The following NRXN2 variants were observed in gnomAD, a reference collection of about 807,000 sequenced individuals.
The protein encoded by NRXN2 is neurexin 2.
Under a neutral mutation model 128.8 loss-of-function variants are expected in NRXN2, and 29 were observed. That is an observed-to-expected ratio of 0.23 (90% CI 0.17 to 0.31). The LOEUF (loss-of-function observed/expected upper bound fraction) is 0.31, where lower values mean the gene tolerates loss of function less well. Ranked by LOEUF, NRXN2 falls within the 10% of genes least tolerant of loss-of-function variation. The pLI, the probability that NRXN2 is intolerant of heterozygous loss-of-function variation, is 1.00. For missense variants in NRXN2, 1,881 were observed against 2,452.6 expected, an observed-to-expected ratio of 0.77 and a Z score of 4.92; for synonymous variants, 1,098 against 1,075.2, an observed-to-expected ratio of 1.02 and a Z score of -0.41.
chr11:64,695,547 T>C (rs1433175874), intron 3 of NRXN2, among the ~76,000 whole-genome samples: 1 of 152,000 alleles, frequency 6.6e-6, no homozygotes, highest in Admixed American at 6.6e-5. Flanking sequence ...CACCACCTGC[T>C]AAACCCACCT....
At chr11:64,611,179 T>A (rs1476996738) in intron 22 of NRXN2, among the ~76,000 whole-genome samples, 1 of 152,192 alleles carries the variant, frequency 6.6e-6, no homozygotes, top group African/African-American at 2.4e-5. Context: ...CTCAGGCATT[T>A]CCTCTGAGCC....
intron 5 of NRXN2, chr11:64,688,559 C>T (rs952019208): frequency 3.0e-6 from 3 of 985,216 alleles, no homozygotes; most frequent in Non-Finnish European, 3.6e-6. Context: ...CTGAACAAGC[C>T]CTGAAGCACC....
chr11:64,702,971 TAA>T (rs557268486), intron 2 of NRXN2, among the ~76,000 whole-genome samples: 2 of 51,160 alleles, frequency 3.9e-5, no homozygotes, highest in East Asian at 5.9e-4. Flanking sequence ...CCCAGGTCTC[TAA>T]AAAAAAAAAA....
chr11:64,623,124 G>A lies in NRXN2; in HGVS notation c.3848-46C>T. The A allele has an allele frequency of 6.4e-7, 1 of 1,560,812 alleles. No individual in the cohort carries two copies. Among genetic ancestry groups the A allele is most frequent in the Non-Finnish European group, 8.7e-7 (1 of 1,149,854 alleles). On this transcript the variant is annotated intron_variant, in intron 20 of 22. Transcript: ENST00000265459. This position sits in a 1 kb window ranked among gnomAD's most constrained non-coding sequence, Gnocchi z 4.9. Reference sequence around the variant, plus strand: ...TGACAGAGAAGGGGCAGGCAGTGAGGGGAGACCAGGAAGGGAAGGAAGAAA... The same window carrying A: ...TGACAGAGAAGGGGCAGGCAGTGAGAGGAGACCAGGAAGGGAAGGAAGAAA...
In NRXN2 at chr11:64,635,649, G is replaced by A. The variant is rs900695030; in HGVS notation, c.3404-197C>T. Among the ~76,000 whole-genome samples, 16 of 152,198 alleles carry A rather than the reference G, an allele frequency of 1.1e-4. No homozygotes were observed. Among genetic ancestry groups the A allele is most frequent in the East Asian group, 7.7e-4 (4 of 5,188 alleles). On this transcript the variant is annotated intron_variant, in intron 17 of 22. Transcript: ENST00000265459. This position sits in a 1 kb window ranked among gnomAD's most constrained non-coding sequence, Gnocchi z 4.8. ...GGTGCCTGGGTGAGAGCCTGTGCAC[G>A]CGCACAGACAGATGTAGCTGCCTCA... is the stretch of plus-strand genomic sequence containing the variant.
rs1285641486 is a variant in NRXN2 at position 64,713,363 on chromosome 11, G to T, written c.337C>A (p.His113Asn). 2 of 1,438,276 alleles carry T rather than the reference G, an allele frequency of 1.4e-6. No individual in the cohort carries two copies. Among genetic ancestry groups the T allele is most frequent in the Non-Finnish European group, 1.8e-6 (2 of 1,099,968 alleles). The allele number at this position is 1,438,276 out of a possible 1,614,324, so 89.1% of individuals were successfully genotyped here. A position where few individuals can be genotyped will look rare whatever the true frequency, so the allele number is the denominator to read the frequency against. ...LDTPVADDRW[H>N]MVLLTRDARR... ...GCGTCGCGGGTCAGCAGCACCATGT[G>T]CCAGCGGTCGTCGGCCACCGGCGTG... Residue 113 changes from histidine to asparagine, a missense_variant, in exon 2 of 23, where the codon CAC becomes AAC. By Grantham distance (68) the His-to-Asn change is moderately conservative (BLOSUM62 1). Transcript: ENST00000265459.
At chr11:64,702,221 G>T (rs567183355) in intron 2 of NRXN2, among the ~76,000 whole-genome samples, 4 of 151,890 alleles carry the variant, frequency 2.6e-5, no homozygotes, top group South Asian at 2.1e-4. Flanking sequence ...CGTCCGGGAG[G>T]TGAGGGGCGC....
intron 22 of NRXN2, among the ~76,000 whole-genome samples, chr11:64,614,619 G>A (rs1356120300): frequency 1.3e-5 from 2 of 152,240 alleles, no homozygotes. Flanking sequence ...CCCACTGCAG[G>A]GGCAGAGAGC....
At chr11:64,662,090 TAAA>T (rs35502743) in intron 9 of NRXN2, among the ~76,000 whole-genome samples, 2 of 131,442 alleles carry the variant, frequency 1.5e-5, no homozygotes, top group African/African-American at 3.0e-5. Flanking sequence ...CCATCTCTAC[TAAA>T]AAAAAAAAAA....
At chr11:64,612,071 T>G (rs1169422761) in intron 22 of NRXN2, among the ~76,000 whole-genome samples, 2 of 152,146 alleles carry the variant, frequency 1.3e-5, no homozygotes, top group East Asian at 3.9e-4. Context: ...TTCCCTGGGC[T>G]CACTCAACCC....
intron 9 of NRXN2, among the ~76,000 whole-genome samples, chr11:64,661,618 T>C (rs2049045324): frequency 6.6e-6 from 1 of 152,236 alleles, no homozygotes; most frequent in Non-Finnish European, 1.5e-5. Flanking sequence ...TGAGCTTTTA[T>C]GACTAGATGC....
Position 64,632,063 on chromosome 11 carries a change from T to G in NRXN2, c.3586-1490A>C, listed in dbSNP as rs2043989865. On this transcript the variant is annotated intron_variant, in intron 18 of 22. Transcript: ENST00000265459. This position sits in a 1 kb window ranked among gnomAD's most constrained non-coding sequence, Gnocchi z 4.2. ...ATTCAGCTGCCACCTCCTTCCTGCA[T>G]CTAGCAGAGCCGAGAGGCTTGGTGG... Among the ~76,000 whole-genome samples the G allele has an allele frequency of 6.6e-6, 1 of 152,208 alleles. No homozygotes were observed. Among genetic ancestry groups the G allele is most frequent in the Admixed American group, 6.5e-5 (1 of 15,276 alleles).
At position 64,620,925 on chromosome 11, in the gene NRXN2, A is replaced by G. The variant is rs1245183088; in HGVS notation, c.4174-553T>C. On this transcript the variant is annotated intron_variant, in intron 21 of 22. Transcript: ENST00000265459. ...CATGACGACAAGAGAAGACTTTGTC[A>G]GCATTTTCTCTCTTACTTATTGCAA... is the stretch of plus-strand genomic sequence containing the variant. Among the ~76,000 whole-genome samples the G allele has an allele frequency of 5.9e-5, 9 of 151,902 alleles. No individual in the cohort carries two copies. In the South Asian group the frequency reaches 1.5e-3, roughly 25 times the overall value.
intron 8 of NRXN2, 141 bp downstream of exon 8, chr11:64,668,301 GT>G: frequency 9.3e-7 from 1 of 1,073,500 alleles, no homozygotes; most frequent in Non-Finnish European, 1.4e-6. Context: ...TGGGCCTTAG[GT>G]TTTAAAGAGG....
chr11:64,609,536 C>CA (rs1214517410), intron 22 of NRXN2, among the ~76,000 whole-genome samples: 2 of 152,162 alleles, frequency 1.3e-5, no homozygotes, highest in Non-Finnish European at 2.9e-5. Context: ...CATCAGCCCC[C>CA]AAAAGGTGAG....
intron 11 of NRXN2, among the ~76,000 whole-genome samples, chr11:64,655,704 T>C (rs2048172289): frequency 6.6e-6 from 1 of 152,130 alleles, no homozygotes; most frequent in Non-Finnish European, 1.5e-5. Flanking sequence ...GGCCCACCCC[T>C]GCAGAGACTC....
At position 64,650,694 on chromosome 11, in the gene NRXN2, T is replaced by C. The variant is rs189132254; in HGVS notation, c.2919-56A>G. On this transcript the variant is annotated intron_variant, in intron 14 of 22. Coordinates refer to ENST00000265459, the MANE Select transcript of NRXN2 (RefSeq NM_015080.4). ...CAGGGCGGGGGTGATGCTGGGAAGGTGGGGTGAGGAGGAGCTATGGCTGGC... is the reference window on the plus strand; with the variant it reads ...CAGGGCGGGGGTGATGCTGGGAAGGCGGGGTGAGGAGGAGCTATGGCTGGC... The C allele has an allele frequency of 4.4e-5, 68 of 1,549,162 alleles. 1 individual carries two copies. In the East Asian group the frequency reaches 1.4e-3, roughly 32 times the overall value.
At chr11:64,701,745 G>T (rs1255438113) in intron 2 of NRXN2, among the ~76,000 whole-genome samples, 1 of 152,204 alleles carries the variant, frequency 6.6e-6, no homozygotes, top group East Asian at 1.9e-4. Flanking sequence ...CTAAAAAAAA[G>T]AAATAAATAA....
Position 64,648,764 on chromosome 11 carries a change from G to A in NRXN2, c.3253C>T (p.Arg1085Cys), listed in dbSNP as rs140483021. Reference protein sequence around the residue: ...LPDLIADALHRIGQVERGCDG... With the variant: ...LPDLIADALHCIGQVERGCDG... Reference sequence around the variant, plus strand: ...CAGCCCCTCTCCACCTGCCCAATGCGGTGCAGGGCGTCGGCGATGAGGTCT... The same window carrying A: ...CAGCCCCTCTCCACCTGCCCAATGCAGTGCAGGGCGTCGGCGATGAGGTCT... Residue 1085 changes from arginine to cysteine, a missense_variant, in exon 16 of 23, where the codon CGC becomes TGC. Arg to Cys is a radical substitution (Grantham distance 180). Coordinates refer to ENST00000265459, the MANE Select transcript of NRXN2 (RefSeq NM_015080.4). The surrounding 1 kb of genome is among the most constrained non-coding windows in gnomAD (Gnocchi z 4.1). 7.4e-5 allele frequency: 119 copies of A among 1,613,958 alleles called. No individual in the cohort carries two copies. The highest frequency in any genetic ancestry group is 9.6e-5 in the Non-Finnish European group (113 of 1,180,014).
Sources: allele counts gnomAD v4.1 joint callset (sites outside exome capture counted in the v4.1 genomes callset), GRCh38; gene constraint gnomAD v4.1.1; non-coding constraint Gnocchi (gnomAD v3.1); transcripts MANE v1.5; gene names NCBI Gene and HGNC (gene_info 2026-07-23, HGNC 2026-07-21).